RBFOX1: variants seen among roughly 807,000 people sequenced by gnomAD.
The protein encoded by RBFOX1 is RNA binding fox-1 homolog 1.
In RBFOX1, 8 loss-of-function variants were observed where a neutral mutation model predicts 57.7. The ratio of observed to expected loss-of-function variants is 0.14; its 90% CI spans 0.08 to 0.25. The LOEUF is 0.25. Among genes scored for constraint, RBFOX1 ranks in the 10% least tolerant of loss-of-function variants. The pLI is 1.00. For synonymous variants in RBFOX1, 326 were observed against 222.4 expected (o/e 1.47, Z -4.15); for missense variants, 611 against 548.5 (o/e 1.11, Z -1.14).
At chr16:7,452,155 C>A (rs1317766825) in intron 4 of RBFOX1, among the ~76,000 whole-genome samples, 1 of 152,108 alleles carries the variant, frequency 6.6e-6, no homozygotes, top group Admixed American at 6.5e-5. Context: ...ATGATCCAGC[C>A]AAGTTACAGG....
intron 2 of RBFOX1, among the ~76,000 whole-genome samples, chr16:5,560,396 G>C (rs1272983498): frequency 6.6e-6 from 1 of 152,048 alleles, no homozygotes. Context: ...CTGCAGGAAG[G>C]ATAACCTGAC....
At chr16:6,916,438 A>C (rs7188293) in intron 3 of RBFOX1, among the ~76,000 whole-genome samples, 32,178 of 151,806 alleles carry the variant, frequency 0.21, 3,493 homozygotes, top group African/African-American at 0.26. Flanking sequence ...ATTGCTGGGT[A>C]ATGTGGTCTA....
chr16:5,469,697 A>G (rs1011028984), intron 2 of RBFOX1, among the ~76,000 whole-genome samples: 1 of 152,130 alleles, frequency 6.6e-6, no homozygotes, highest in Admixed American at 6.5e-5. Context: ...GACAACTGCT[A>G]GTCTGCATCC....
intron 4 of RBFOX1, among the ~76,000 whole-genome samples, chr16:7,232,751 G>T (rs1351257781): frequency 2.0e-5 from 3 of 151,142 alleles, no homozygotes; most frequent in Non-Finnish European, 4.4e-5. Flanking sequence ...TGAGGCAGGA[G>T]AATTGCTTGA....
At chr16:5,739,714 T>C (rs532515894) in intron 3 of RBFOX1, among the ~76,000 whole-genome samples, 3 of 152,294 alleles carry the variant, frequency 2.0e-5, no homozygotes, top group East Asian at 3.9e-4. Flanking sequence ...AGAAAGGCCC[T>C]TGGGGCTGGG....
intron 1 of RBFOX1, among the ~76,000 whole-genome samples, chr16:5,309,668 TC>T (rs1283101953): frequency 6.6e-6 from 1 of 152,184 alleles, no homozygotes; most frequent in African/African-American, 2.4e-5. Context: ...CCTCCCACTC[TC>T]TCACCCTTCT....
intron 4 of RBFOX1, among the ~76,000 whole-genome samples, chr16:7,151,650 T>C (rs986699085): frequency 2.6e-5 from 4 of 152,188 alleles, no homozygotes; most frequent in African/African-American, 9.7e-5. Context: ...TTGTGCACTT[T>C]ATTTCTATTA....
rs185884980 is a variant in RBFOX1, at chr16:5,463,581, C to T, written c.220-3635C>T. Among the ~76,000 whole-genome samples, 4 of 152,174 alleles carry T rather than the reference C, an allele frequency of 2.6e-5. No individual in the cohort carries two copies. In the East Asian group the frequency reaches 5.8e-4, roughly 22 times the overall value. On this transcript the variant is annotated intron_variant, in intron 1 of 2. Coordinates refer to the RBFOX1 transcript ENST00000585867. ...TTGGGAGGCCGAGGCAGGCGGATCA[C>T]CTGAGGTCAGGAGTTTGAGATCAGT...
intron 3 of RBFOX1, among the ~76,000 whole-genome samples, chr16:5,774,948 G>T (rs76939833): frequency 1.3e-5 from 2 of 152,158 alleles, no homozygotes; most frequent in African/African-American, 4.8e-5. Context: ...CTCCCAAAGT[G>T]TTGAGATTGC....
intron 3 of RBFOX1, among the ~76,000 whole-genome samples, chr16:5,617,411 G>C (rs2048065694): frequency 6.6e-6 from 1 of 152,136 alleles, no homozygotes; most frequent in South Asian, 2.1e-4. Context: ...AGCAGTCAAA[G>C]CCAGCCTTGC....
chr16:6,941,614 C>G (rs143648965), intron 3 of RBFOX1, among the ~76,000 whole-genome samples: 1 of 152,038 alleles, frequency 6.6e-6, no homozygotes, highest in East Asian at 2.0e-4. Context: ...TGCCCCTCCT[C>G]TGCCCTTCAT....
intron 1 of RBFOX1, among the ~76,000 whole-genome samples, chr16:6,060,145 T>G (rs1447693691): frequency 6.7e-5 from 7 of 104,654 alleles, no homozygotes; most frequent in Admixed American, 2.0e-4. Flanking sequence ...TTTTTTTTTT[T>G]TTTTTTTTTT....
Position 5,873,660 on chromosome 16 carries a change from C to G in RBFOX1, c.351+6325C>G, listed in dbSNP as rs1233617743. Among the ~76,000 whole-genome samples, 4 of 152,294 alleles carry G rather than the reference C, an allele frequency of 2.6e-5. No individual in the cohort carries two copies. The East Asian group carries it at 7.7e-4, about 29-fold the overall frequency. ...TCATACCCTCAAATAACTGATGGTT[C>G]ATTATAGCATTATAGAATAAATGCT... On this transcript the variant is annotated intron_variant, in intron 4 of 19. Transcript: ENST00000641259.
chr16:6,252,297 G>C (rs933714757), intron 1 of RBFOX1, among the ~76,000 whole-genome samples: 1 of 152,138 alleles, frequency 6.6e-6, no homozygotes, highest in African/African-American at 2.4e-5. Context: ...TCAATGAGGA[G>C]TCTAGGTGTT....
Position 6,899,925 on chromosome 16 carries a change from A to G in RBFOX1, c.-15-152132A>G, listed in dbSNP as rs561587251. 4.3e-4 allele frequency among the ~76,000 whole-genome samples: 65 copies of G among 152,326 alleles called. 1 individual carries two copies. Among genetic ancestry groups the G allele is most frequent in the African/African-American group, 1.5e-3 (62 of 41,572 alleles). Reference sequence around the variant, plus strand: ...TTTTGCCCATGTTCTGACCATAACCATTTGAACTATGTTTAGTCTTAATAG... The same window carrying G: ...TTTTGCCCATGTTCTGACCATAACCGTTTGAACTATGTTTAGTCTTAATAG... On this transcript the variant is annotated intron_variant, in intron 3 of 15. Transcript: ENST00000550418.
At chr16:7,176,799 C>T (rs966362284) in intron 4 of RBFOX1, among the ~76,000 whole-genome samples, 3 of 151,952 alleles carry the variant, frequency 2.0e-5, no homozygotes, top group Non-Finnish European at 4.4e-5. Context: ...CTTACCTATA[C>T]ACATATGCAC....
chr16:7,405,013 A>T (rs1008663953), intron 4 of RBFOX1, among the ~76,000 whole-genome samples: 1 of 152,162 alleles, frequency 6.6e-6, no homozygotes, highest in Non-Finnish European at 1.5e-5. Context: ...CTACACCACA[A>T]AGGGTATTAT....
At chr16:5,685,033 C>T (rs977542984) in intron 3 of RBFOX1, among the ~76,000 whole-genome samples, 28 of 152,030 alleles carry the variant, frequency 1.8e-4, no homozygotes, top group African/African-American at 5.3e-4. Flanking sequence ...AAAGTGCATG[C>T]GATAGAAGCG....
intron 3 of RBFOX1, among the ~76,000 whole-genome samples, chr16:5,642,479 A>C (rs991965808): frequency 1.3e-5 from 2 of 152,150 alleles, no homozygotes; most frequent in South Asian, 2.1e-4. Context: ...TCTGTGTTCA[A>C]GTGTTTGGGA....
Sources: allele counts gnomAD v4.1 joint callset (sites outside exome capture counted in the v4.1 genomes callset), GRCh38; gene constraint gnomAD v4.1.1; transcripts MANE v1.5; gene names NCBI Gene and HGNC (gene_info 2026-07-23, HGNC 2026-07-21).